DNAJB6: variants seen among roughly 807,000 people sequenced by gnomAD.
The protein encoded by DNAJB6 is DnaJ heat shock protein family (Hsp40) member B6.
Under a neutral mutation model 42.7 loss-of-function variants are expected in DNAJB6, and 16 were observed. The ratio of observed to expected loss-of-function variants is 0.37; its 90% confidence interval spans 0.25 to 0.57. The LOEUF (loss-of-function observed/expected upper bound fraction) is 0.57, where lower values mean the gene tolerates loss of function less well. Among genes scored for constraint, DNAJB6 ranks in the 20% least tolerant of loss-of-function variants. The probability of loss-of-function intolerance (pLI) is 0.74; values close to 1 mark genes in which losing one functional copy is unlikely to be tolerated. For missense variants in DNAJB6, 347 were observed against 416.8 expected (o/e 0.83, Z 1.46); for synonymous variants, 170 against 163.5 (o/e 1.04, Z -0.30).
At chr7:157,346,585 G>A (rs1798700396) in intron 1 of DNAJB6, among the ~76,000 whole-genome samples, 1 of 152,228 alleles carries the variant, frequency 6.6e-6, no homozygotes, top group Admixed American at 6.5e-5. Context: ...AAAAAAGATA[G>A]TGTTACCAAA....
intron 9 of DNAJB6, chr7:157,415,080 A>T (rs1443397172): frequency 1.3e-5 from 2 of 152,126 alleles, no homozygotes; most frequent in African/African-American, 2.4e-5. Flanking sequence ...GGGTCTTTGG[A>T]GAGTTCTGGC....
Position 157,416,013 on chromosome 7 carries a change from T to G in DNAJB6, c.899-3T>G. ...CAGTGTTTTACAAGCCGTGTTTCCT[T>G]AGGATTGAAAGAAGGTGGCAAGAGG... On this transcript the variant is annotated splice_region_variant and splice_polypyrimidine_tract_variant and intron_variant, in intron 9 of 9. Coordinates refer to ENST00000262177, the MANE Select transcript of DNAJB6 (RefSeq NM_058246.4). 1 of 1,614,126 alleles carries G rather than the reference T, an allele frequency of 6.2e-7. No individual in the cohort carries two copies. The highest frequency in any genetic ancestry group is 8.5e-7 in the Non-Finnish European group (1 of 1,180,024).
Position 157,389,713 on chromosome 7 carries a change from G to T in DNAJB6, c.691+4102G>T, listed in dbSNP as rs147379449. 7.2e-3 allele frequency among the ~76,000 whole-genome samples: 1,100 copies of T among 152,320 alleles called. 9 individuals are homozygous for T. Among genetic ancestry groups the T allele is most frequent in the African/African-American group, 0.024 (1,007 of 41,564 alleles). On this transcript the variant is annotated intron_variant, in intron 8 of 9. Coordinates refer to ENST00000262177, the MANE Select transcript of DNAJB6 (RefSeq NM_058246.4). ...TTATTTCGTCTTCCTGTTTAAAAAGGTGAAAAGAGGGAATGTCACAGCAGC... is the reference window on the plus strand; with the variant it reads ...TTATTTCGTCTTCCTGTTTAAAAAGTTGAAAAGAGGGAATGTCACAGCAGC...
chr7:157,402,097 G>A (rs537435723), intron 8 of DNAJB6, among the ~76,000 whole-genome samples: 71 of 152,218 alleles, frequency 4.7e-4, no homozygotes, highest in Non-Finnish European at 9.1e-4. Context: ...GCCGCACTCC[G>A]CATTGATAAC....
chr7:157,390,680 C>A (rs941337497), intron 8 of DNAJB6, among the ~76,000 whole-genome samples: 4 of 152,176 alleles, frequency 2.6e-5, no homozygotes, highest in Non-Finnish European at 5.9e-5. Flanking sequence ...GTGCTGCGAG[C>A]TCTGAGAGGT....
intron 9 of DNAJB6, chr7:157,412,891 C>T (rs761641867): frequency 1.3e-5 from 2 of 152,270 alleles, no homozygotes; most frequent in Non-Finnish European, 2.9e-5. Context: ...GAAATGAGCT[C>T]TCACTTGAGA....
chr7:157,341,186 G>A (rs943256027), intron 1 of DNAJB6, among the ~76,000 whole-genome samples: 1 of 151,968 alleles, frequency 6.6e-6, no homozygotes. Context: ...ATGCAGTGGC[G>A]CCATCTCGGC....
rs1316306415 is a variant in DNAJB6 at position 157,384,938 on chromosome 7, G to A, written c.550G>A (p.Gly184Ser). The part of the protein sequence containing the change: ...SFSSTSFGGS[G>S]MGNFKSISTS... ...CTCTTCCACGTCATTTGGTGGTAGT[G>A]GCATGGGCAACTTCAAATCGATATC... Residue 184 changes from glycine to serine, a missense_variant, in exon 7 of 10, where the codon GGC becomes AGC. By Grantham distance (56) the Gly-to-Ser change is moderately conservative. Transcript: ENST00000262177. 1 of 1,613,970 alleles carries A rather than the reference G, an allele frequency of 6.2e-7. No homozygotes were observed. Among genetic ancestry groups the A allele is most frequent in the East Asian group, 2.2e-5 (1 of 44,882 alleles).
intron 1 of DNAJB6, among the ~76,000 whole-genome samples, chr7:157,347,151 G>A (rs538789303): frequency 1.3e-5 from 2 of 152,290 alleles, no homozygotes; most frequent in East Asian, 1.9e-4. Flanking sequence ...CACCGCGCCC[G>A]GCCAGCTATT....
intron 9 of DNAJB6, chr7:157,413,629 G>C (rs1032302271): frequency 2.6e-5 from 4 of 152,038 alleles, no homozygotes; most frequent in Non-Finnish European, 5.9e-5. Flanking sequence ...CCCAGAGCCC[G>C]CGAGCCGGTG....
At chr7:157,340,964 CTGTG>C (rs35976329) in intron 1 of DNAJB6, among the ~76,000 whole-genome samples, 3,512 of 146,110 alleles carry the variant, frequency 0.024, 70 homozygotes, top group African/African-American at 0.055. Flanking sequence ...CCGCACCTGG[CTGTG>C]TGTGTGTGTG....
intron 5 of DNAJB6, among the ~76,000 whole-genome samples, chr7:157,373,997 A>G (rs1372900277): frequency 1.3e-5 from 2 of 152,184 alleles, no homozygotes; most frequent in Non-Finnish European, 2.9e-5. Flanking sequence ...CTTGGGAAAA[A>G]TAATGAGATG....
chr7:157,384,203 C>A (rs975071306), intron 6 of DNAJB6, among the ~76,000 whole-genome samples: 1 of 152,174 alleles, frequency 6.6e-6, no homozygotes, highest in Non-Finnish European at 1.5e-5. Flanking sequence ...CGATAATATC[C>A]ATAATGTATA....
chr7:157,368,107 C>G (rs527607679), intron 5 of DNAJB6, among the ~76,000 whole-genome samples: 1 of 152,238 alleles, frequency 6.6e-6, no homozygotes, highest in East Asian at 1.9e-4. Context: ...GAGCAAGGCC[C>G]TGTCTCAAAA....
chr7:157,345,158 T>C (rs1214064815), intron 1 of DNAJB6, among the ~76,000 whole-genome samples: 1 of 151,930 alleles, frequency 6.6e-6, no homozygotes, highest in Non-Finnish European at 1.5e-5. Flanking sequence ...CACACCTGGC[T>C]AGTTTTTGTA....
At chr7:157,413,292 G>C (rs963154792) in intron 9 of DNAJB6, 3 of 152,200 alleles carry the variant, frequency 2.0e-5, no homozygotes, top group Non-Finnish European at 4.4e-5. Context: ...TACTGAACAG[G>C]AAAGAAAGAA....
At chr7:157,343,481 T>G (rs1368973940) in intron 1 of DNAJB6, among the ~76,000 whole-genome samples, 1 of 151,982 alleles carries the variant, frequency 6.6e-6, no homozygotes, top group Non-Finnish European at 1.5e-5. Context: ...ACCACTATTT[T>G]TTTTTGAGAT....
intron 1 of DNAJB6, among the ~76,000 whole-genome samples, chr7:157,346,949 G>A (rs1798721084): frequency 6.6e-6 from 1 of 152,248 alleles, no homozygotes; most frequent in East Asian, 1.9e-4. Flanking sequence ...TCCACCTCTC[G>A]GGTTCACACC....
intron 1 of DNAJB6, among the ~76,000 whole-genome samples, chr7:157,340,534 A>AT (rs57143094): frequency 3.8e-3 from 572 of 148,886 alleles, no homozygotes; most frequent in Middle Eastern, 0.014. Flanking sequence ...TAAAAATGTG[A>AT]TTTTTTTTTT....
Sources: gnomAD v4.1 joint callset for allele counts (sites outside exome capture counted in the v4.1 genomes callset) on GRCh38, gnomAD v4.1.1 for gene constraint, MANE v1.5 for transcripts, NCBI Gene and HGNC (gene_info 2026-07-23, HGNC 2026-07-21) for gene names.